The following PIGU variants were observed in gnomAD, a reference collection of about 807,000 sequenced individuals.
The protein encoded by PIGU is phosphatidylinositol glycan anchor biosynthesis class U, also known as GPI-anchor transamidase component PIGU.
In PIGU, 24 loss-of-function variants were observed where a neutral mutation model predicts 49.9. The observed-to-expected ratio is 0.48, with a 90% CI of 0.35 to 0.68. PIGU has a LOEUF of 0.68. PIGU is among the 30% of genes least tolerant of loss of function. The pLI is 0.01. For synonymous variants in PIGU, 220 were observed against 205.7 expected, an observed-to-expected ratio of 1.07 and a Z score of -0.59; for missense variants, 490 against 532.6, an observed-to-expected ratio of 0.92 and a Z score of 0.79.
rs118056102 is a variant in PIGU, at chr20:34,636,770, T to C, written c.428+1106A>G. On this transcript the variant is annotated intron_variant, in intron 5 of 11. Transcript: ENST00000217446. The stretch of plus-strand genomic sequence containing the variant: ...TCTCAGGAAGAGATGATGATTACTA[T>C]TCACAAATAAAGACCTTAAATCCAA... Among the ~76,000 whole-genome samples, 636 of 152,238 alleles carry C rather than the reference T, an allele frequency of 4.2e-3. 2 individuals carry two copies. Among genetic ancestry groups the C allele is most frequent in the Middle Eastern group, 0.031 (9 of 294 alleles).
intron 7 of PIGU, among the ~76,000 whole-genome samples, chr20:34,603,194 T>G (rs150891133): frequency 1.2e-4 from 19 of 152,342 alleles, no homozygotes; most frequent in Non-Finnish European, 1.9e-4. Context: ...TTGGATTTTA[T>G]CCTTTTGGCA....
At chr20:34,590,181 C>A (rs1983897950) in intron 7 of PIGU, among the ~76,000 whole-genome samples, 1 of 150,328 alleles carries the variant, frequency 6.7e-6, no homozygotes, top group Non-Finnish European at 1.5e-5. Context: ...AACAAAAAAA[C>A]CACCCCAGTA....
chr20:34,575,972 G>A (rs577562599), intron 10 of PIGU, among the ~76,000 whole-genome samples: 2 of 152,270 alleles, frequency 1.3e-5, no homozygotes, highest in East Asian at 1.9e-4. Flanking sequence ...CATGGCAGCC[G>A]GGTACAGACC....
intron 1 of PIGU, among the ~76,000 whole-genome samples, chr20:34,662,497 GC>G (rs1475547579): frequency 4.7e-4 from 70 of 150,426 alleles, no homozygotes; most frequent in Non-Finnish European, 4.4e-5. Context: ...CTGGGTTCAA[GC>G]AATTCTCCTG....
At chr20:34,662,595 T>C (rs1436513970) in intron 1 of PIGU, among the ~76,000 whole-genome samples, 1 of 152,122 alleles carries the variant, frequency 6.6e-6, no homozygotes, top group Admixed American at 6.6e-5. Flanking sequence ...GGTTTTACTA[T>C]GTTGGCCAGG....
intron 7 of PIGU, among the ~76,000 whole-genome samples, chr20:34,600,172 C>T (rs1384507923): frequency 1.3e-5 from 2 of 151,898 alleles, no homozygotes; most frequent in Non-Finnish European, 2.9e-5. Context: ...TTTGGGAGGC[C>T]GAGGCGGGCG....
intron 2 of PIGU, among the ~76,000 whole-genome samples, chr20:34,648,859 CTGAT>C (rs1472178148): frequency 6.6e-6 from 1 of 151,740 alleles, no homozygotes; most frequent in South Asian, 2.1e-4. Context: ...TAAGATGTGA[CTGAT>C]TGATTGACTG....
At chr20:34,650,698 C>CTTTTTTTTTTTTTTTTTT (rs1568658806) in intron 2 of PIGU, among the ~76,000 whole-genome samples, 3 of 43,948 alleles carry the variant, frequency 6.8e-5, no homozygotes, top group Non-Finnish European at 4.8e-5. Context: ...TTCTTTTTTT[C>CTTTTTTTTTTTTTTTTTT]TCTTTTTTTT....
intron 7 of PIGU, among the ~76,000 whole-genome samples, chr20:34,589,320 A>G (rs1216002341): frequency 6.6e-6 from 1 of 152,238 alleles, no homozygotes; most frequent in Non-Finnish European, 1.5e-5. Context: ...GACTTTAAAA[A>G]AACGCCAAAT....
intron 1 of PIGU, among the ~76,000 whole-genome samples, chr20:34,668,483 A>AAAAAACACG: frequency 1.1e-5 from 1 of 88,726 alleles, no homozygotes; most frequent in East Asian, 3.6e-4. Context: ...AAAAAAAAAA[A>AAAAAACACG]GGGGGGGGCG....
intron 2 of PIGU, among the ~76,000 whole-genome samples, chr20:34,645,544 A>G (rs1986316221): frequency 6.6e-6 from 1 of 152,138 alleles, no homozygotes; most frequent in Admixed American, 6.6e-5. Context: ...TGCTGGGACT[A>G]TCTGTTGAAT....
intron 11 of PIGU, among the ~76,000 whole-genome samples, chr20:34,570,724 A>T (rs1296989487): frequency 6.6e-6 from 1 of 152,194 alleles, no homozygotes; most frequent in Non-Finnish European, 1.5e-5. Flanking sequence ...TTTTAATTTT[A>T]GGAGAAGATT....
chr20:34,589,097 TATTA>T (rs1271555349), intron 7 of PIGU, among the ~76,000 whole-genome samples: 11 of 134,688 alleles, frequency 8.2e-5, no homozygotes, highest in Non-Finnish European at 1.4e-4. Context: ...CAAATAATAC[TATTA>T]TTTACACACA....
At chr20:34,673,944 T>A (rs1047789218) in intron 1 of PIGU, among the ~76,000 whole-genome samples, 35 of 151,778 alleles carry the variant, frequency 2.3e-4, no homozygotes, top group African/African-American at 8.5e-4. Flanking sequence ...TCCCAGCTAC[T>A]TGGGAGGCTG....
chr20:34,657,032 T>C (rs547214467), intron 2 of PIGU, 148 bp downstream of exon 2: 3 of 637,388 alleles, frequency 4.7e-6, no homozygotes, highest in East Asian at 2.8e-5. Flanking sequence ...CTCTTTCTTA[T>C]GCAGAGGACA....
At chr20:34,645,681 G>C (rs1452525659) in intron 2 of PIGU, among the ~76,000 whole-genome samples, 1 of 152,096 alleles carries the variant, frequency 6.6e-6, no homozygotes, top group East Asian at 1.9e-4. Flanking sequence ...AGATCACCAG[G>C]TCAGGAGATG....
At chr20:34,578,418 A>C (rs1451861675) in intron 10 of PIGU, among the ~76,000 whole-genome samples, 4 of 152,230 alleles carry the variant, frequency 2.6e-5, no homozygotes, top group African/African-American at 9.7e-5. Flanking sequence ...TACATTTCTC[A>C]GTGGTTCTTT....
intron 9 of PIGU, among the ~76,000 whole-genome samples, chr20:34,583,180 G>A (rs1345900557): frequency 1.3e-5 from 2 of 152,364 alleles, no homozygotes; most frequent in Admixed American, 1.3e-4. Flanking sequence ...TGGCAAAGGC[G>A]TGCAGCCCTG....
chr20:34,574,230 A>T (rs1046407365), intron 11 of PIGU, among the ~76,000 whole-genome samples: 7 of 152,356 alleles, frequency 4.6e-5, no homozygotes, highest in African/African-American at 1.7e-4. Context: ...AGAGTTTGCT[A>T]GACCCACTGC....
Sources: allele counts gnomAD v4.1 joint callset (sites outside exome capture counted in the v4.1 genomes callset), GRCh38; gene constraint gnomAD v4.1.1; transcripts MANE v1.5; gene names NCBI Gene and HGNC (gene_info 2026-07-23, HGNC 2026-07-21).